RPS6KC1: variants seen among roughly 807,000 people sequenced by gnomAD.
The protein encoded by RPS6KC1 is ribosomal protein S6 kinase C1.
A neutral mutation model predicts 103.8 loss-of-function variants in RPS6KC1; 54 were observed. The observed-to-expected ratio is 0.52, with a 90% confidence interval of 0.42 to 0.65. The LOEUF (loss-of-function observed/expected upper bound fraction) is 0.65, where lower values mean the gene tolerates loss of function less well. Ranked by LOEUF, RPS6KC1 falls within the 30% of genes least tolerant of loss-of-function variation. The probability of loss-of-function intolerance (pLI) is 0.00; values close to 1 mark genes in which losing one functional copy is unlikely to be tolerated. For synonymous variants in RPS6KC1, 439 were observed against 438.7 expected (o/e 1.00, Z -0.01); for missense variants, 1,151 against 1,253.8 (o/e 0.92, Z 1.24).
the RPS6KC1 span, among the ~76,000 whole-genome samples, chr1:213,737,050 C>T: frequency 1.3e-5 from 2 of 152,318 alleles, no homozygotes; most frequent in East Asian, 3.9e-4. Flanking sequence ...TCCCGGCTTG[C>T]TCATACGTGG....
intron 4 of RPS6KC1, among the ~76,000 whole-genome samples, chr1:213,110,590 C>T (rs189289862): frequency 6.6e-6 from 1 of 152,314 alleles, no homozygotes; most frequent in Admixed American, 6.5e-5. Context: ...TGCTTAAACA[C>T]CTGTGCCATT....
At chr1:213,214,821 CT>C (rs1205047001) in intron 8 of RPS6KC1, among the ~76,000 whole-genome samples, 1 of 152,194 alleles carries the variant, frequency 6.6e-6, no homozygotes, top group Non-Finnish European at 1.5e-5. Flanking sequence ...AGGGTCCTGA[CT>C]GTTAGAATGA....
At chr1:213,737,904 A>G in the RPS6KC1 span, among the ~76,000 whole-genome samples, 3 of 152,210 alleles carry the variant, frequency 2.0e-5, no homozygotes, top group Non-Finnish European at 4.4e-5. Flanking sequence ...CACATCTTGG[A>G]ATGCTAATCT....
At chr1:213,687,245 C>A in the RPS6KC1 span, among the ~76,000 whole-genome samples, 2 of 152,194 alleles carry the variant, frequency 1.3e-5, no homozygotes, top group South Asian at 2.1e-4. Context: ...AGACCCTATT[C>A]AAGATGGAGT....
In RPS6KC1 at chr1:213,241,978, C is replaced by A. The variant is rs1237005758; in HGVS notation, c.2502C>A (p.Ser834Arg). 1 of 1,613,958 alleles carries A rather than the reference C, an allele frequency of 6.2e-7. No homozygotes were observed. ...PLSGANEYIA[S>R]TDTLKTEEVL... ...CAGGTGCTAATGAATATATTGCAAG[C>A]ACAGACACTTTAAAAACAGAAGAAG... is the stretch of plus-strand genomic sequence containing the variant. The change falls in exon 11 of 15, where the codon AGC (serine) becomes AGA (arginine). Residue 834 changes from serine to arginine, a missense_variant. Transcript: ENST00000366960.
At chr1:213,726,589 T>C in the RPS6KC1 span, among the ~76,000 whole-genome samples, 4 of 151,942 alleles carry the variant, frequency 2.6e-5, no homozygotes, top group African/African-American at 9.7e-5. Context: ...TTCAACTAAG[T>C]AATAAAAAAA....
intron 8 of RPS6KC1, among the ~76,000 whole-genome samples, chr1:213,182,323 C>G (rs2092310444): frequency 6.6e-6 from 1 of 152,044 alleles, no homozygotes; most frequent in Non-Finnish European, 1.5e-5. Context: ...GAAAACCTGT[C>G]TCTACTAAAA....
At chr1:213,519,621 G>A in the RPS6KC1 span, among the ~76,000 whole-genome samples, 1 of 152,164 alleles carries the variant, frequency 6.6e-6, no homozygotes, top group Non-Finnish European at 1.5e-5. Flanking sequence ...TAGCAGCTGC[G>A]TGGTACTAGA....
chr1:213,064,428 C>T (rs538572063), intron 1 of RPS6KC1, among the ~76,000 whole-genome samples: 14 of 149,544 alleles, frequency 9.4e-5, no homozygotes, highest in Admixed American at 8.1e-4. Context: ...AGTACAATGG[C>T]GCAATCTCAG....
the RPS6KC1 span, among the ~76,000 whole-genome samples, chr1:213,395,895 G>A: frequency 2.0e-5 from 3 of 152,172 alleles, no homozygotes; most frequent in East Asian, 1.9e-4. Context: ...AAGGCAGTGC[G>A]AAGAATCCAT....
chr1:213,242,868 ATATT>A (rs2094387816), intron 12 of RPS6KC1, among the ~76,000 whole-genome samples: 1 of 152,204 alleles, frequency 6.6e-6, no homozygotes, highest in South Asian at 2.1e-4. Flanking sequence ...GTGTGTCCAC[ATATT>A]TATTATTGTT....
chr1:213,186,713 T>G (rs1257253010), intron 8 of RPS6KC1, among the ~76,000 whole-genome samples: 1 of 152,208 alleles, frequency 6.6e-6, no homozygotes, highest in Non-Finnish European at 1.5e-5. Flanking sequence ...TTAGCTTTGG[T>G]CTTTTGAGAT....
In RPS6KC1 at chr1:213,137,793, A is replaced by C. The variant is rs1303796587; in HGVS notation, c.835+7904A>C. On this transcript the variant is annotated intron_variant, in intron 6 of 14. Transcript: ENST00000366960. ...TCTCTCTCTCTATATATATATATATATATATATTTTTTTTTTTTTTTTTTT... is the reference window on the plus strand; with the variant it reads ...TCTCTCTCTCTATATATATATATATCTATATATTTTTTTTTTTTTTTTTTT... Among the ~76,000 whole-genome samples the C allele has an allele frequency of 1.2e-4, 5 of 42,994 alleles. 1 individual carries two copies. The highest frequency in any genetic ancestry group is 7.1e-5 in the African/African-American group (1 of 14,010). 28.2% of individuals were successfully genotyped at this position (42,994 alleles called of 152,430 possible).
the RPS6KC1 span, among the ~76,000 whole-genome samples, chr1:213,453,404 G>A: frequency 6.6e-6 from 1 of 152,064 alleles, no homozygotes; most frequent in East Asian, 1.9e-4. Context: ...ACCTTGTGGG[G>A]CCACCAAATG....
chr1:213,324,444 T>G, the RPS6KC1 span, among the ~76,000 whole-genome samples: 2 of 152,328 alleles, frequency 1.3e-5, no homozygotes, highest in African/African-American at 4.8e-5. Flanking sequence ...TGGAAAGTCC[T>G]TGATCTTGGA....
chr1:213,551,276 G>T, the RPS6KC1 span, among the ~76,000 whole-genome samples: 6 of 152,218 alleles, frequency 3.9e-5, no homozygotes, highest in South Asian at 2.1e-4. Flanking sequence ...AAAAGCTCTG[G>T]CAAGGACATA....
At chr1:213,170,749 C>T (rs2091412891) in intron 7 of RPS6KC1, among the ~76,000 whole-genome samples, 1 of 152,018 alleles carries the variant, frequency 6.6e-6, no homozygotes, top group South Asian at 2.1e-4. Flanking sequence ...CCTTTTTGGC[C>T]AAGAGCATCC....
chr1:213,216,840 C>G (rs973760164), intron 8 of RPS6KC1, among the ~76,000 whole-genome samples: 34 of 152,086 alleles, frequency 2.2e-4, no homozygotes, highest in Non-Finnish European at 1.9e-4. Flanking sequence ...AAAGACATAA[C>G]ATACCAGAAT....
the RPS6KC1 span, among the ~76,000 whole-genome samples, chr1:213,472,572 C>T: frequency 6.6e-6 from 1 of 152,120 alleles, no homozygotes; most frequent in Non-Finnish European, 1.5e-5. Flanking sequence ...GTTTTTAGGG[C>T]CTTGGTTCTA....
Sources: gnomAD v4.1 joint callset for allele counts (sites outside exome capture counted in the v4.1 genomes callset) on GRCh38, gnomAD v4.1.1 for gene constraint, MANE v1.5 for transcripts, NCBI Gene and HGNC (gene_info 2026-07-23, HGNC 2026-07-21) for gene names.